The following SLC12A7 variants were observed in gnomAD, a reference collection of about 807,000 sequenced individuals.
SLC12A7 encodes K-Cl cotransporter 4.
SLC12A7 carries 100 observed loss-of-function variants against 120.6 expected under a neutral mutation model. The ratio of observed to expected loss-of-function variants is 0.83; its 90% CI spans 0.71 to 0.98. SLC12A7 has a LOEUF of 0.98. SLC12A7 is among the 50% of genes least tolerant of loss of function. The pLI is 0.00. For synonymous variants in SLC12A7, 760 were observed against 678.0 expected (o/e 1.12, Z -1.88); for missense variants, 1,373 against 1,548.1 (o/e 0.89, Z 1.90).
rs775893616 is a variant in SLC12A7 at position 1,057,512 on chromosome 5, G to A, written c.2985C>T (p.Asp995=). The change falls in exon 22 of 24, where the codon GAC becomes GAT. Residue 995 remains aspartate (D), a synonymous_variant. Transcript: ENST00000264930. The part of the protein sequence containing the change: ...KLIAEKYRSR[D]TSLSGFKDLF... ...GGTCTTTGAAACCAGATAGGCTGGT[G>A]TCTCTGCTCCTGTACTTCTCAGCGA... 3.1e-6 allele frequency: 5 copies of A among 1,613,250 alleles called. No individual in the cohort carries two copies. Among genetic ancestry groups the A allele is most frequent in the Non-Finnish European group, 3.4e-6 (4 of 1,179,928 alleles).
intron 9 of SLC12A7, 88 bp from the exon 10 acceptor site, chr5:1,079,584 T>C (rs1183615700): frequency 4.5e-6 from 5 of 1,110,572 alleles, no homozygotes; most frequent in Non-Finnish European, 6.8e-6. Flanking sequence ...GGAAAGGCGG[T>C]CTCTGGGGAG....
At chr5:1,137,616 T>C in the SLC12A7 span, among the ~76,000 whole-genome samples, 1 of 152,202 alleles carries the variant, frequency 6.6e-6, no homozygotes, top group Non-Finnish European at 1.5e-5. Context: ...TCCCCACTCA[T>C]GTCCATGGCC....
chr5:1,089,171 C>T lies in SLC12A7; in HGVS notation c.343-43G>A, dbSNP rs762155103. On this transcript the variant is annotated intron_variant, in intron 3 of 23. Coordinates refer to ENST00000264930, the MANE Select transcript of SLC12A7 (RefSeq NM_006598.3). ...GTGTCCCAGGGGCTCGTACCCCACACCCAGAGGGAGCCCCCTCCCCAGGCT... is the reference window on the plus strand; with the variant it reads ...GTGTCCCAGGGGCTCGTACCCCACATCCAGAGGGAGCCCCCTCCCCAGGCT... 18 of 1,593,862 alleles carry T rather than the reference C, an allele frequency of 1.1e-5. No individual in the cohort carries two copies. In the African/African-American group the frequency reaches 2.4e-4, roughly 21 times the overall value.
the SLC12A7 span, among the ~76,000 whole-genome samples, chr5:1,124,858 C>T: frequency 9.2e-5 from 14 of 152,256 alleles, no homozygotes; most frequent in South Asian, 2.1e-4. Flanking sequence ...CTAACCGGAG[C>T]GAGGCGGCCG....
chr5:1,124,504 A>G, the SLC12A7 span, among the ~76,000 whole-genome samples: 1 of 152,196 alleles, frequency 6.6e-6, no homozygotes, highest in African/African-American at 2.4e-5. Flanking sequence ...ACATTTCCAG[A>G]CCAACGAAAA....
the SLC12A7 span, among the ~76,000 whole-genome samples, chr5:1,135,113 C>CTGGGGTCTGTT: frequency 1.7e-3 from 266 of 152,320 alleles, no homozygotes; most frequent in African/African-American, 6.1e-3. Flanking sequence ...GGCGACAGGG[C>CTGGGGTCTGTT]AAGACTCCAT....
chr5:1,068,156 A>T (rs4975694), intron 17 of SLC12A7, among the ~76,000 whole-genome samples: 2 of 152,200 alleles, frequency 1.3e-5, no homozygotes, highest in African/African-American at 4.8e-5. Context: ...TTGCCCAGAC[A>T]GGCTGCCGTG....
chr5:1,128,633 G>A, the SLC12A7 span, among the ~76,000 whole-genome samples: 3 of 152,366 alleles, frequency 2.0e-5, no homozygotes, highest in East Asian at 5.8e-4. Context: ...TGGCTAGTGA[G>A]ACTGGTACAG....
rs1440614483 is a variant in SLC12A7, at chr5:1,058,406, C to T, written c.2848-757G>A. On this transcript the variant is annotated intron_variant, in intron 21 of 23. Coordinates refer to ENST00000264930, the MANE Select transcript of SLC12A7 (RefSeq NM_006598.3). ...GTAGGCCAATGGGAGCTCCCAGACA[C>T]GGGTGCCACCTTGGAAGTGGTATTT... Among the ~76,000 whole-genome samples the T allele has an allele frequency of 3.3e-5, 5 of 152,224 alleles. 1 individual carries two copies. Among genetic ancestry groups the T allele is most frequent in the African/African-American group, 9.6e-5 (4 of 41,456 alleles).
At chr5:1,065,571 T>A in intron 17 of SLC12A7, 93 bp from the exon 18 acceptor site, 1 of 1,002,992 alleles carries the variant, frequency 1.0e-6, no homozygotes, top group East Asian at 2.7e-5. Context: ...CCGCACCACC[T>A]CCCCTGTGGA....
At chr5:1,148,532 A>G in the SLC12A7 span, among the ~76,000 whole-genome samples, 1 of 152,180 alleles carries the variant, frequency 6.6e-6, no homozygotes, top group Non-Finnish European at 1.5e-5. Context: ...AGGCTAAATA[A>G]TATTCCACTA....
At chr5:1,083,558 G>A (rs991277980) in intron 8 of SLC12A7, among the ~76,000 whole-genome samples, 187 bp downstream of exon 8, 2 of 152,234 alleles carry the variant, frequency 1.3e-5, no homozygotes, top group African/African-American at 4.8e-5. Flanking sequence ...ACCGTGTTTG[G>A]CTTCTATGGC....
chr5:1,134,972 C>G, the SLC12A7 span, among the ~76,000 whole-genome samples: 1 of 152,008 alleles, frequency 6.6e-6, no homozygotes, highest in Non-Finnish European at 1.5e-5. Flanking sequence ...ACCAAAAATA[C>G]AAAAATTACC....
chr5:1,130,668 A>C, the SLC12A7 span, among the ~76,000 whole-genome samples: 1 of 143,252 alleles, frequency 7.0e-6, no homozygotes, highest in Non-Finnish European at 1.6e-5. Flanking sequence ...CTGGGCCTGC[A>C]GGTGCACCTG....
At chr5:1,138,179 T>A in the SLC12A7 span, among the ~76,000 whole-genome samples, 1 of 145,844 alleles carries the variant, frequency 6.9e-6, no homozygotes, top group Non-Finnish European at 1.5e-5. Context: ...CAAGATTTAT[T>A]GCAAAAGGGG....
intron 3 of SLC12A7, among the ~76,000 whole-genome samples, chr5:1,092,828 C>T (rs1033358878): frequency 3.9e-5 from 6 of 152,084 alleles, no homozygotes; most frequent in East Asian, 1.9e-4. Flanking sequence ...AGCCACCCGC[C>T]GCACCCCCAC....
upstream of SLC12A7, among the ~76,000 whole-genome samples, chr5:1,112,279 T>G (rs1261324731): frequency 1.4e-5 from 2 of 145,442 alleles, no homozygotes; most frequent in Middle Eastern, 3.7e-3. Flanking sequence ...CCCCGCTCAG[T>G]CTCCTGCACC....
At chr5:1,148,612 G>A in the SLC12A7 span, among the ~76,000 whole-genome samples, 4 of 152,130 alleles carry the variant, frequency 2.6e-5, no homozygotes, top group African/African-American at 9.7e-5. Flanking sequence ...CTTTATTCTC[G>A]ATTCACGAAT....
intron 7 of SLC12A7, among the ~76,000 whole-genome samples, chr5:1,084,606 G>A (rs1739608140): frequency 6.6e-6 from 1 of 152,198 alleles, no homozygotes; most frequent in African/African-American, 2.4e-5. Flanking sequence ...CGAGGGGGAG[G>A]GCAGCTGTGC....
Sources: allele counts gnomAD v4.1 joint callset (sites outside exome capture counted in the v4.1 genomes callset), GRCh38; gene constraint gnomAD v4.1.1; transcripts MANE v1.5; gene names NCBI Gene and HGNC (gene_info 2026-07-23, HGNC 2026-07-21).